The following SV2B variants were observed in gnomAD, a reference collection of about 807,000 sequenced individuals.
SV2B encodes solute carrier family 22 member B2.
In SV2B, 41 loss-of-function variants were observed where a neutral mutation model predicts 73.9. That is an observed-to-expected ratio of 0.56 (90% CI 0.43 to 0.72). SV2B has a LOEUF of 0.72. SV2B is among the 30% of genes least tolerant of loss of function. SV2B has a pLI of 0.00. For synonymous variants in SV2B, 314 were observed against 314.2 expected (o/e 1.00, Z 0.01); for missense variants, 764 against 857.8 (o/e 0.89, Z 1.37).
In SV2B at chr15:91,132,888, T is replaced by A. The variant is rs1215999717; in HGVS notation, c.-392+32525T>A. Among the ~76,000 whole-genome samples, 2 of 152,134 alleles carry A rather than the reference T, an allele frequency of 1.3e-5. No homozygotes were observed. The highest frequency in any genetic ancestry group is 2.9e-5 in the Non-Finnish European group (2 of 68,010). On this transcript the variant is annotated intron_variant, in intron 1 of 12. Coordinates refer to ENST00000394232, the MANE Select transcript of SV2B (RefSeq NM_001323032.3). This position sits in a 1 kb window ranked among gnomAD's most constrained non-coding sequence, Gnocchi z 4.6. ...TTAATGTAGGGCTGAAAATTGTGCA[T>A]GTCTCTGGTTCCTCATGGGAATTGG...
intron 1 of SV2B, among the ~76,000 whole-genome samples, chr15:91,190,521 G>T (rs1218801855): frequency 1.3e-5 from 2 of 152,132 alleles, no homozygotes; most frequent in Non-Finnish European, 2.9e-5. Context: ...TTTATCTGTA[G>T]TCATAAATAC....
chr15:91,163,524 G>C (rs1270786721), intron 1 of SV2B, among the ~76,000 whole-genome samples: 1 of 152,180 alleles, frequency 6.6e-6, no homozygotes, highest in Non-Finnish European at 1.5e-5. Context: ...GTGATGATGA[G>C]CATTTTTTCA....
Position 91,299,620 on chromosome 15 carries a change from G to A in SV2B, c.*7068G>A, listed in dbSNP as rs994592645. The A allele has an allele frequency of 1.3e-5, 2 of 152,026 alleles. No homozygotes were observed. The highest frequency in any genetic ancestry group is 1.3e-4 in the Admixed American group (2 of 15,256). 9.4% of individuals were successfully genotyped at this position (152,026 alleles called of 1,614,324 possible). On this transcript the variant is annotated 3_prime_UTR_variant, in exon 13 of 13. Transcript: ENST00000394232. ...AGGTTTAATAGAAGATTTCTGAAAG[G>A]TAGCGCAAGTTTTTATTTCATTATT...
chr15:91,233,622 T>C (rs1382487960), intron 2 of SV2B, among the ~76,000 whole-genome samples: 1 of 152,166 alleles, frequency 6.6e-6, no homozygotes, highest in Non-Finnish European at 1.5e-5. Context: ...GTGGGAAGAC[T>C]GATGAAATTG....
Position 91,224,124 on chromosome 15 carries a change from G to C in SV2B, c.-391-1749G>C, listed in dbSNP as rs1200552114. On this transcript the variant is annotated intron_variant, in intron 1 of 12. Coordinates refer to ENST00000394232, the MANE Select transcript of SV2B (RefSeq NM_001323032.3). This position sits in a 1 kb window ranked among gnomAD's most constrained non-coding sequence, Gnocchi z 4.9. ...TGAAGACCAGGAGGGCCAGGAAGCA[G>C]GTGTGGGGCAGAGGGCCCAGGGATG... Among the ~76,000 whole-genome samples the C allele has an allele frequency of 3.9e-5, 6 of 152,260 alleles. No individual in the cohort carries two copies. Among genetic ancestry groups the C allele is most frequent in the Non-Finnish European group, 8.8e-5 (6 of 68,042 alleles).
chr15:91,121,021 C>T lies in SV2B; in HGVS notation c.-392+20658C>T, dbSNP rs1443326413. Among the ~76,000 whole-genome samples, 1 of 152,150 alleles carries T rather than the reference C, an allele frequency of 6.6e-6. No individual in the cohort carries two copies. Among genetic ancestry groups the T allele is most frequent in the Non-Finnish European group, 1.5e-5 (1 of 68,038 alleles). On this transcript the variant is annotated intron_variant, in intron 1 of 12. Transcript: ENST00000394232. The surrounding 1 kb of genome is among the most constrained non-coding windows in gnomAD (Gnocchi z 4.4). ...GAACTGTTAACCTCTGCAGTCTATA[C>T]AGTCATCCCCTCGCTTAAGATTTTT...
At chr15:91,120,449 A>G (rs1305894921) in intron 1 of SV2B, among the ~76,000 whole-genome samples, 1 of 152,166 alleles carries the variant, frequency 6.6e-6, no homozygotes, top group Non-Finnish European at 1.5e-5. Context: ...ATAATTCAAC[A>G]TGAGATTTGG....
At chr15:91,101,626 GTATAA>G (rs909483777) in intron 1 of SV2B, among the ~76,000 whole-genome samples, 3 of 152,120 alleles carry the variant, frequency 2.0e-5, no homozygotes, top group Admixed American at 2.0e-4. Context: ...GCAGTGATTA[GTATAA>G]AAATGAAGCC....
chr15:91,213,312 T>G (rs2045927239), intron 1 of SV2B, among the ~76,000 whole-genome samples: 1 of 152,192 alleles, frequency 6.6e-6, no homozygotes, highest in African/African-American at 2.4e-5. Flanking sequence ...GTGAGATACC[T>G]ATCTGGCAGT....
At position 91,226,701 on chromosome 15, in the gene SV2B, A is replaced by T; in HGVS notation, c.438A>T (p.Lys146Asn). The change falls in exon 2 of 13, where the codon AAA becomes AAT. Residue 146 changes from lysine to asparagine, a missense_variant. Physicochemically the swap from Lys to Asn is moderately conservative, Grantham distance 94. Transcript: ENST00000394232. ...AEKDMCLSSS[K>N]KGMLGMIVYL... ...AGGACATGTGTCTGTCCAGTTCCAAAAAAGGAATGCTAGGTAAGTGGAAAT... is the reference window on the plus strand; with the variant it reads ...AGGACATGTGTCTGTCCAGTTCCAATAAAGGAATGCTAGGTAAGTGGAAAT... The T allele has an allele frequency of 6.2e-7, 1 of 1,605,296 alleles. No homozygotes were observed. Among genetic ancestry groups the T allele is most frequent in the South Asian group, 1.1e-5 (1 of 89,776 alleles).
rs563222524 is a variant in SV2B at position 91,148,112 on chromosome 15, C to T, written c.-392+47749C>T. On this transcript the variant is annotated intron_variant, in intron 1 of 12. Coordinates refer to ENST00000394232, the MANE Select transcript of SV2B (RefSeq NM_001323032.3). ...TCTTCTGTCTCAGCCTTCCAAGTAG[C>T]TGGGATGACAGGTGTGTGCCACCAC... Among the ~76,000 whole-genome samples, 7 of 150,882 alleles carry T rather than the reference C, an allele frequency of 4.6e-5. No individual in the cohort carries two copies. In the South Asian group the frequency reaches 1.5e-3, roughly 32 times the overall value.
At chr15:91,164,834 A>ACTG (rs1462995202) in intron 1 of SV2B, among the ~76,000 whole-genome samples, 1 of 152,238 alleles carries the variant, frequency 6.6e-6, no homozygotes, top group Non-Finnish European at 1.5e-5. Flanking sequence ...GTGGAGAGCC[A>ACTG]TGCAAGACCA....
At chr15:91,207,185 CTTT>C (rs1228201080) in intron 1 of SV2B, among the ~76,000 whole-genome samples, 5 of 126,882 alleles carry the variant, frequency 3.9e-5, no homozygotes, top group Non-Finnish European at 5.0e-5. Flanking sequence ...TTATGCCTGG[CTTT>C]TTTTTTTTTT....
intron 1 of SV2B, among the ~76,000 whole-genome samples, chr15:91,158,710 T>TTCCCTTCCCTTCCCTTCC (rs2043595809): frequency 2.2e-5 from 2 of 89,782 alleles, no homozygotes; most frequent in African/African-American, 8.9e-5. Context: ...TCTCCTCTCC[T>TTCCCTTCCCTTCCCTTCC]CTCCTCTCCT....
chr15:91,280,085 CT>C lies in SV2B; in HGVS notation c.1374-1640del, dbSNP rs1233342490. ...TAGGCTGGAATTTAGGAAATGACAT[CT>C]TTAATAATAACCTCAAGTTTATTCT... On this transcript the variant is annotated intron_variant, in intron 9 of 12. Coordinates refer to ENST00000394232, the MANE Select transcript of SV2B (RefSeq NM_001323032.3). The surrounding 1 kb of genome is among the most constrained non-coding windows in gnomAD (Gnocchi z 5.8). 6.6e-6 allele frequency among the ~76,000 whole-genome samples: 1 copy of C among 152,192 alleles called. No individual in the cohort carries two copies. The highest frequency in any genetic ancestry group is 1.5e-5 in the Non-Finnish European group (1 of 68,024).
At chr15:91,254,225 T>C (rs989391034) in intron 4 of SV2B, among the ~76,000 whole-genome samples, 4 of 148,606 alleles carry the variant, frequency 2.7e-5, no homozygotes, top group African/African-American at 1.0e-4. Flanking sequence ...TAAGGGATTA[T>C]TTTCACTTCT....
chr15:91,234,394 A>G lies in SV2B; in HGVS notation c.451+7680A>G, dbSNP rs570768217. On this transcript the variant is annotated intron_variant, in intron 2 of 12. Transcript: ENST00000394232. This position sits in a 1 kb window ranked among gnomAD's most constrained non-coding sequence, Gnocchi z 5.6. ...GTTGCAATACCTAAATGCAGTGGGA[A>G]TAATTGGATCCCAGGGTGCAAGGGC... Among the ~76,000 whole-genome samples the G allele has an allele frequency of 2.6e-4, 39 of 152,274 alleles. No homozygotes were observed. The Middle Eastern group carries it at 0.017, about 66-fold the overall frequency.
chr15:91,174,526 T>G (rs2141289848), intron 1 of SV2B, among the ~76,000 whole-genome samples: 1 of 152,330 alleles, frequency 6.6e-6, no homozygotes. Flanking sequence ...CTTCTCTAAC[T>G]TCCTGCACTG....
rs142348726 is a variant in SV2B at position 91,232,344 on chromosome 15, G to A, written c.451+5630G>A. Among the ~76,000 whole-genome samples, 808 of 152,290 alleles carry A rather than the reference G, an allele frequency of 5.3e-3. 7 individuals are homozygous for A. The highest frequency in any genetic ancestry group is 0.018 in the African/African-American group (757 of 41,558). On this transcript the variant is annotated intron_variant, in intron 2 of 12. Transcript: ENST00000394232. The surrounding 1 kb of genome is among the most constrained non-coding windows in gnomAD (Gnocchi z 4.7). ...GACTGATTACTTGATGCTCTTGTGAGAACAAAAACCATCAGAAGAAATAGA... is the reference window on the plus strand; with the variant it reads ...GACTGATTACTTGATGCTCTTGTGAAAACAAAAACCATCAGAAGAAATAGA...
Sources: allele counts gnomAD v4.1 joint callset (sites outside exome capture counted in the v4.1 genomes callset), GRCh38; gene constraint gnomAD v4.1.1; non-coding constraint Gnocchi (gnomAD v3.1); transcripts MANE v1.5; gene names NCBI Gene and HGNC (gene_info 2026-07-23, HGNC 2026-07-21).